MAGI1: variants seen among roughly 807,000 people sequenced by gnomAD.
MAGI1 encodes the protein membrane-associated guanylate kinase, WW and PDZ domain-containing protein 1.
In MAGI1, 58 loss-of-function variants were observed where a neutral mutation model predicts 139.9. The ratio of observed to expected loss-of-function variants is 0.41; its 90% CI spans 0.34 to 0.52. MAGI1 has a LOEUF of 0.52. MAGI1 is among the 20% of genes least tolerant of loss of function. MAGI1 has a pLI of 0.12. For missense variants in MAGI1, 1,874 were observed against 1,901.6 expected (o/e 0.99, Z 0.27); for synonymous variants, 812 against 737.9 (o/e 1.10, Z -1.63).
intron 2 of MAGI1, among the ~76,000 whole-genome samples, chr3:65,582,772 T>C (rs2081498653): frequency 1.3e-5 from 2 of 152,184 alleles, no homozygotes; most frequent in South Asian, 4.1e-4. Flanking sequence ...TGACTGGCCA[T>C]GACTGTTAAA....
rs187408293 is a variant in MAGI1 at position 65,982,762 on chromosome 3, C to A, written c.313+55234G>T. On this transcript the variant is annotated intron_variant, in intron 1 of 22. Transcript: ENST00000402939. ...TGACTGTATATCTAAGCTCAGTAGG[C>A]ACCAGTGCCAAAAATCTACATTTGA... Among the ~76,000 whole-genome samples the A allele has an allele frequency of 1.0e-3, 158 of 152,180 alleles. No individual in the cohort carries two copies. In the Middle Eastern group the frequency reaches 0.017, roughly 16 times the overall value.
intron 2 of MAGI1, among the ~76,000 whole-genome samples, chr3:65,524,669 T>C (rs567591394): frequency 1.3e-5 from 2 of 152,160 alleles, no homozygotes; most frequent in African/African-American, 2.4e-5. Flanking sequence ...CTGAAAATAG[T>C]GAAGGGCATT....
intron 1 of MAGI1, among the ~76,000 whole-genome samples, chr3:65,692,064 C>G (rs1330321325): frequency 6.6e-6 from 1 of 152,044 alleles, no homozygotes; most frequent in Non-Finnish European, 1.5e-5. Context: ...TCTAACACTA[C>G]TTGAGCTAAA....
chr3:65,769,408 G>C (rs2037763078), intron 1 of MAGI1, among the ~76,000 whole-genome samples: 1 of 152,182 alleles, frequency 6.6e-6, no homozygotes, highest in Non-Finnish European at 1.5e-5. Flanking sequence ...AAGATCATTT[G>C]AGACCAGGAG....
intron 1 of MAGI1, among the ~76,000 whole-genome samples, chr3:65,622,625 G>A (rs1329625221): frequency 2.6e-5 from 4 of 151,978 alleles, no homozygotes; most frequent in Middle Eastern, 3.4e-3. Flanking sequence ...GTGCGATGGC[G>A]CGATCTCAGC....
At chr3:65,905,926 A>C (rs1322269802) in intron 1 of MAGI1, among the ~76,000 whole-genome samples, 1 of 152,206 alleles carries the variant, frequency 6.6e-6, no homozygotes, top group East Asian at 1.9e-4. Flanking sequence ...GGATATAAGA[A>C]AGAGTTCTCC....
intron 1 of MAGI1, among the ~76,000 whole-genome samples, chr3:65,986,475 C>G (rs1362116162): frequency 1.3e-5 from 2 of 152,212 alleles, no homozygotes; most frequent in Non-Finnish European, 2.9e-5. Context: ...AGGGCAGGAG[C>G]AGGACAGCCA....
At chr3:65,399,848 C>T (rs560184114) in intron 13 of MAGI1, among the ~76,000 whole-genome samples, 36 of 152,254 alleles carry the variant, frequency 2.4e-4, no homozygotes, top group African/African-American at 8.4e-4. Context: ...CCTTTGCACA[C>T]TAAATTTAAA....
chr3:65,677,675 G>A (rs1021575244), intron 1 of MAGI1, among the ~76,000 whole-genome samples: 3 of 152,194 alleles, frequency 2.0e-5, no homozygotes, highest in African/African-American at 4.8e-5. Context: ...GTTAGTATGG[G>A]AGTTTGGTGG....
rs572830208 is a variant in MAGI1 at position 65,769,854 on chromosome 3, C to T, written c.314-147766G>A. On this transcript the variant is annotated intron_variant, in intron 1 of 22. Coordinates refer to ENST00000402939, the MANE Select transcript of MAGI1 (RefSeq NM_001033057.2). ...TCGGATAGAAGGTGGCTGGAAAGAGCTTTCCTTTGTTGCATCACTTCCCCA... is the reference window on the plus strand; with the variant it reads ...TCGGATAGAAGGTGGCTGGAAAGAGTTTTCCTTTGTTGCATCACTTCCCCA... Among the ~76,000 whole-genome samples, 114 of 152,200 alleles carry T rather than the reference C, an allele frequency of 7.5e-4. 1 individual carries two copies. Among genetic ancestry groups the T allele is most frequent in the Non-Finnish European group, 1.1e-3 (75 of 68,040 alleles).
chr3:65,952,795 C>A (rs1467518743), intron 1 of MAGI1, among the ~76,000 whole-genome samples: 3 of 152,182 alleles, frequency 2.0e-5, no homozygotes, highest in Non-Finnish European at 4.4e-5. Context: ...GCCTCGGCGA[C>A]AGAGCGAGAC....
At chr3:65,913,987 A>G (rs186961137) in intron 1 of MAGI1, 1 of 128,212 alleles carries the variant, frequency 7.8e-6, no homozygotes, top group East Asian at 1.9e-4. Flanking sequence ...AGACCATTAG[A>G]AAGGACAAAG....
At chr3:65,497,377 T>C (rs1376931024) in intron 2 of MAGI1, among the ~76,000 whole-genome samples, 1 of 152,188 alleles carries the variant, frequency 6.6e-6, no homozygotes, top group Non-Finnish European at 1.5e-5. Context: ...GAGGGTGTGA[T>C]GTCTTGGAGC....
chr3:65,478,496 C>G, intron 4 of MAGI1, 96 bp downstream of exon 4: 1 of 1,215,426 alleles, frequency 8.2e-7, no homozygotes, highest in Non-Finnish European at 1.2e-6. Flanking sequence ...CTACAAAATC[C>G]CTCCTGAGAA....
intron 1 of MAGI1, among the ~76,000 whole-genome samples, chr3:65,876,798 C>T (rs1200848026): frequency 6.8e-6 from 1 of 147,056 alleles, no homozygotes; most frequent in African/African-American, 2.6e-5. Flanking sequence ...GGATGGAGTG[C>T]AGTGGCCCAA....
At chr3:65,801,432 C>G (rs1342623224) in intron 1 of MAGI1, among the ~76,000 whole-genome samples, 2 of 152,136 alleles carry the variant, frequency 1.3e-5, no homozygotes, top group Non-Finnish European at 2.9e-5. Flanking sequence ...TCGCTTAAGT[C>G]TTAGATTCCA....
chr3:65,700,946 A>T (rs1456025505), intron 1 of MAGI1, among the ~76,000 whole-genome samples: 1 of 152,208 alleles, frequency 6.6e-6, no homozygotes, highest in Non-Finnish European at 1.5e-5. Context: ...CCTTTAGAAC[A>T]TGAAGGCTGG....
At chr3:65,555,684 C>A (rs543017602) in intron 2 of MAGI1, among the ~76,000 whole-genome samples, 1 of 152,082 alleles carries the variant, frequency 6.6e-6, no homozygotes, top group Non-Finnish European at 1.5e-5. Flanking sequence ...GGTGAGACCC[C>A]GTCTCTACAA....
At chr3:65,987,929 CTG>C (rs920367838) in intron 1 of MAGI1, among the ~76,000 whole-genome samples, 1 of 152,186 alleles carries the variant, frequency 6.6e-6, no homozygotes, top group African/African-American at 2.4e-5. Context: ...CATATCAAAA[CTG>C]TAAATAAATT....
Sources: allele counts gnomAD v4.1 joint callset (sites outside exome capture counted in the v4.1 genomes callset), GRCh38; gene constraint gnomAD v4.1.1; transcripts MANE v1.5; gene names NCBI Gene and HGNC (gene_info 2026-07-23, HGNC 2026-07-21).